THRB: variants seen among roughly 807,000 people sequenced by gnomAD.
THRB encodes the protein thyroid hormone receptor beta.
In THRB, 12 loss-of-function variants were observed where a neutral mutation model predicts 47.8. The observed-to-expected ratio is 0.25, with a 90% CI of 0.16 to 0.41. The LOEUF (loss-of-function observed/expected upper bound fraction) is 0.41. Among genes scored for constraint, THRB ranks in the 10% least tolerant of loss-of-function variants. THRB has a pLI of 1.00. For synonymous variants in THRB, 218 were observed against 212.2 expected, an observed-to-expected ratio of 1.03 and a Z score of -0.24; for missense variants, 348 against 589.2, an observed-to-expected ratio of 0.59 and a Z score of 4.24.
At chr3:24,341,863 T>C (rs965620672) in intron 1 of THRB, among the ~76,000 whole-genome samples, 6 of 152,144 alleles carry the variant, frequency 3.9e-5, no homozygotes, top group African/African-American at 1.4e-4. Flanking sequence ...TCACATCAGT[T>C]GTCTCCACCA....
At chr3:24,245,891 C>G (rs777364274) in intron 3 of THRB, among the ~76,000 whole-genome samples, 26 of 151,910 alleles carry the variant, frequency 1.7e-4, no homozygotes, top group Non-Finnish European at 3.2e-4. Context: ...CTAGCCTGGG[C>G]AACAGAGCGA....
In THRB at chr3:24,365,086, T is replaced by C. The variant is rs139478164; in HGVS notation, c.-260-27715A>G. Among the ~76,000 whole-genome samples the C allele has an allele frequency of 1.3e-4, 20 of 152,314 alleles. No homozygotes were observed. The East Asian group carries it at 3.7e-3, about 28-fold the overall frequency. On this transcript the variant is annotated intron_variant, in intron 1 of 10. Transcript: ENST00000646209. Reference sequence around the variant, plus strand: ...GTAAACTGCTTAATTCAAAAACATATTTCTAAACCCTGTGTTTATAAGAAA... The same window carrying C: ...GTAAACTGCTTAATTCAAAAACATACTTCTAAACCCTGTGTTTATAAGAAA...
At chr3:24,446,641 T>C (rs1417085977) in intron 1 of THRB, among the ~76,000 whole-genome samples, 1 of 152,076 alleles carries the variant, frequency 6.6e-6, no homozygotes, top group Admixed American at 6.6e-5. Context: ...ATCAGAAGTC[T>C]ATTTGTTCTT....
At position 24,229,009 on chromosome 3, in the gene THRB, G is replaced by A. The variant is rs1576118227; in HGVS notation, c.-42-8C>T. The A allele has an allele frequency of 6.8e-7, 1 of 1,478,056 alleles. No homozygotes were observed. Among genetic ancestry groups the A allele is most frequent in the South Asian group, 1.1e-5 (1 of 87,466 alleles). The allele number at this position is 1,478,056 out of a possible 1,614,324, so 91.6% of individuals were successfully genotyped here. ...TTTTTTCACTGACATCTCCTACAAG[G>A]AAAAAATACAAAAAAAATCACAGAT... On this transcript the variant is annotated splice_region_variant and splice_polypyrimidine_tract_variant and intron_variant, in intron 3 of 10. Transcript: ENST00000646209.
At chr3:24,178,165 G>A (rs980424191) in intron 5 of THRB, among the ~76,000 whole-genome samples, 1 of 152,164 alleles carries the variant, frequency 6.6e-6, no homozygotes, top group African/African-American at 2.4e-5. Context: ...GTAAGATAAT[G>A]AGCCAGCTCA....
chr3:24,455,726 G>T (rs756210917), intron 1 of THRB, among the ~76,000 whole-genome samples: 23 of 152,104 alleles, frequency 1.5e-4, no homozygotes, highest in Non-Finnish European at 2.8e-4. Context: ...ATTCAGTGGG[G>T]TCTTTTATTA....
chr3:24,262,649 C>T (rs1015135103), intron 3 of THRB, among the ~76,000 whole-genome samples: 5 of 152,200 alleles, frequency 3.3e-5, no homozygotes, highest in Non-Finnish European at 7.3e-5. Context: ...CTTATACCAA[C>T]ACCTTCTTTA....
chr3:24,345,337 G>A (rs2062943656), intron 1 of THRB, among the ~76,000 whole-genome samples: 1 of 152,092 alleles, frequency 6.6e-6, no homozygotes, highest in African/African-American at 2.4e-5. Flanking sequence ...AAGCATGGCA[G>A]GGAAACCACT....
chr3:24,464,693 T>C (rs2073990239), intron 1 of THRB, among the ~76,000 whole-genome samples: 1 of 152,220 alleles, frequency 6.6e-6, no homozygotes, highest in African/African-American at 2.4e-5. Flanking sequence ...CACACTTTTT[T>C]TGTATTTGTT....
intron 4 of THRB, among the ~76,000 whole-genome samples, chr3:24,208,621 G>A (rs182109160): frequency 3.9e-4 from 60 of 152,262 alleles, no homozygotes; most frequent in African/African-American, 1.3e-3. Flanking sequence ...TTTAATAAAT[G>A]GTGCTGGGAA....
At chr3:24,361,289 C>T (rs1473223761) in intron 1 of THRB, among the ~76,000 whole-genome samples, 2 of 152,124 alleles carry the variant, frequency 1.3e-5, no homozygotes, top group African/African-American at 4.8e-5. Flanking sequence ...ACTACTGCTG[C>T]TTTGGAAAAA....
At chr3:24,197,248 T>C (rs1372091679) in intron 4 of THRB, among the ~76,000 whole-genome samples, 1 of 152,220 alleles carries the variant, frequency 6.6e-6, no homozygotes, top group Admixed American at 6.5e-5. Context: ...AGCAATTCAA[T>C]ATGGACTACC....
intron 1 of THRB, among the ~76,000 whole-genome samples, chr3:24,382,751 A>T (rs1336354064): frequency 6.6e-6 from 1 of 152,124 alleles, no homozygotes; most frequent in Non-Finnish European, 1.5e-5. Context: ...AAAGACTGAA[A>T]TTCACCCATT....
At chr3:24,435,173 G>C (rs143993641) in intron 1 of THRB, among the ~76,000 whole-genome samples, 1 of 152,108 alleles carries the variant, frequency 6.6e-6, no homozygotes, top group Admixed American at 6.6e-5. Flanking sequence ...TAGGTGTATG[G>C]CAGCATCACT....
At chr3:24,477,195 T>C (rs759484905) in intron 1 of THRB, among the ~76,000 whole-genome samples, 1 of 152,098 alleles carries the variant, frequency 6.6e-6, no homozygotes, top group Non-Finnish European at 1.5e-5. Flanking sequence ...TTAGTCTGTT[T>C]ACTTAAAACT....
chr3:24,427,397 T>G (rs546476476), intron 1 of THRB, among the ~76,000 whole-genome samples: 1 of 152,034 alleles, frequency 6.6e-6, no homozygotes, highest in African/African-American at 2.4e-5. Flanking sequence ...AACCCTGCAC[T>G]GAAGTTGGAT....
chr3:24,285,285 ACATGGATGAAATTG>A (rs2055147360), intron 3 of THRB, among the ~76,000 whole-genome samples: 2 of 152,040 alleles, frequency 1.3e-5, no homozygotes, highest in African/African-American at 4.8e-5. Context: ...CTTTGTAGGG[ACATGGATGAAATTG>A]GAAACCATAA....
chr3:24,291,988 A>T (rs1273333302), intron 3 of THRB, among the ~76,000 whole-genome samples: 3 of 152,164 alleles, frequency 2.0e-5, no homozygotes, highest in African/African-American at 7.2e-5. Flanking sequence ...TTAACAGAAG[A>T]CTCAGTAAAT....
rs567722846 is a variant in THRB at position 24,190,198 on chromosome 3, C to G, written c.159G>C (p.Gln53His). ...SERRSTLKNE[Q>H]SSPHLIQTTW... ...TGGTCTGGATGAGATGTGGCGACGA[C>G]TGTTCATTTTTCAACGTGCTGCGCC... The change falls in exon 5 of 11, where the codon CAG (glutamine) becomes CAC (histidine). Residue 53 changes from glutamine (Q) to histidine (H), a missense_variant. Coordinates refer to ENST00000646209, the MANE Select transcript of THRB (RefSeq NM_001354712.2). 65 of 1,614,116 alleles carry G rather than the reference C, an allele frequency of 4.0e-5. No homozygotes were observed. The African/African-American group carries it at 5.3e-4, about 13-fold the overall frequency.
Sources: gnomAD v4.1 joint callset for allele counts (sites outside exome capture counted in the v4.1 genomes callset) on GRCh38, gnomAD v4.1.1 for gene constraint, MANE v1.5 for transcripts, NCBI Gene and HGNC (gene_info 2026-07-23, HGNC 2026-07-21) for gene names.